Variants in TCF20 observed in about 807,000 individuals in gnomAD.
TCF20 encodes SPRE-binding protein.
Under a neutral mutation model 148.6 loss-of-function variants are expected in TCF20, and 3 were observed. The ratio of observed to expected loss-of-function variants is 0.02; its 90% CI spans 0.01 to 0.05. The LOEUF (loss-of-function observed/expected upper bound fraction) is 0.05. Among genes scored for constraint, TCF20 ranks in the 10% least tolerant of loss-of-function variants. The probability of loss-of-function intolerance (pLI) is 1.00; values close to 1 mark genes in which losing one functional copy is unlikely to be tolerated. For missense variants in TCF20, 2,350 were observed against 2,429.3 expected, an observed-to-expected ratio of 0.97 and a Z score of 0.69; for synonymous variants, 1,049 against 909.5, an observed-to-expected ratio of 1.15 and a Z score of -2.76.
At chr22:42,198,973 A>T (rs1043616281) in intron 2 of TCF20, among the ~76,000 whole-genome samples, 1 of 151,998 alleles carries the variant, frequency 6.6e-6, no homozygotes, top group African/African-American at 2.4e-5. Context: ...CCCCCTCCAA[A>T]TATTTCCAAT....
chr22:42,240,454 C>G (rs1924295060), intron 1 of TCF20, among the ~76,000 whole-genome samples: 1 of 152,108 alleles, frequency 6.6e-6, no homozygotes, highest in African/African-American at 2.4e-5. Flanking sequence ...GAAAATAAGA[C>G]CTTGTTTTCT....
intron 3 of TCF20, 124 bp from the exon 4 acceptor site, chr22:42,170,020 A>C: frequency 1.2e-6 from 1 of 847,158 alleles, no homozygotes; most frequent in Non-Finnish European, 1.9e-6. Context: ...TTCTAATAGG[A>C]AAACATTAGA....
intron 1 of TCF20, among the ~76,000 whole-genome samples, chr22:42,262,792 G>C (rs1926098010): frequency 6.6e-6 from 1 of 152,098 alleles, no homozygotes; most frequent in Non-Finnish European, 1.5e-5. Flanking sequence ...TCTCAAGTCA[G>C]GGTTATACAC....
chr22:42,232,486 A>C (rs574543293), intron 1 of TCF20, among the ~76,000 whole-genome samples: 7 of 152,268 alleles, frequency 4.6e-5, no homozygotes, highest in Non-Finnish European at 8.8e-5. Context: ...AACTGCTGAC[A>C]ACAGATGTTT....
intron 1 of TCF20, among the ~76,000 whole-genome samples, chr22:42,329,703 G>A (rs570293439): frequency 2.6e-5 from 4 of 152,322 alleles, no homozygotes; most frequent in Admixed American, 2.6e-4. Flanking sequence ...ACAGACGGTG[G>A]CAGAGAAACC....
At chr22:42,221,154 C>T (rs564654661) in intron 1 of TCF20, among the ~76,000 whole-genome samples, 1 of 152,258 alleles carries the variant, frequency 6.6e-6, no homozygotes, top group Non-Finnish European at 1.5e-5. Flanking sequence ...ATTTAGAAGG[C>T]AAAATAAACG....
intron 1 of TCF20, among the ~76,000 whole-genome samples, chr22:42,296,841 G>A (rs1426429396): frequency 1.3e-5 from 2 of 152,232 alleles, no homozygotes; most frequent in African/African-American, 2.4e-5. Context: ...AGCTTTTCGC[G>A]AATGAGAAAG....
chr22:42,236,719 A>C (rs536734766), intron 1 of TCF20, among the ~76,000 whole-genome samples: 1 of 152,338 alleles, frequency 6.6e-6, no homozygotes, highest in African/African-American at 2.4e-5. Flanking sequence ...AAAATCAGCC[A>C]CAAGCATAAC....
chr22:42,223,717 A>G (rs1432115687), intron 1 of TCF20, among the ~76,000 whole-genome samples: 1 of 152,208 alleles, frequency 6.6e-6, no homozygotes, highest in Admixed American at 6.5e-5. Context: ...ATCTTGCTAG[A>G]ATTTAGTTGA....
intron 1 of TCF20, among the ~76,000 whole-genome samples, chr22:42,332,349 T>C (rs1370659593): frequency 6.6e-6 from 1 of 151,604 alleles, no homozygotes; most frequent in Non-Finnish European, 1.5e-5. Context: ...GTGGCTGGAG[T>C]GTAGTGACCA....
At chr22:42,247,700 G>A (rs1925038626) in intron 1 of TCF20, among the ~76,000 whole-genome samples, 2 of 152,118 alleles carry the variant, frequency 1.3e-5, no homozygotes, top group African/African-American at 4.8e-5. Flanking sequence ...CAGTAGTTGG[G>A]AAGACACTAG....
At chr22:42,246,987 A>T (rs1924969723) in intron 1 of TCF20, among the ~76,000 whole-genome samples, 3 of 151,416 alleles carry the variant, frequency 2.0e-5, no homozygotes, top group Admixed American at 2.0e-4. Context: ...AAAAAAAAAA[A>T]AAGGAAAAAA....
At chr22:42,286,572 AG>A (rs1328747854), upstream of TCF20, among the ~76,000 whole-genome samples, 1 of 152,246 alleles carries the variant, frequency 6.6e-6, no homozygotes, top group Non-Finnish European at 1.5e-5. Context: ...AGCCGATCCC[AG>A]TTAGCGGCCA....
chr22:42,270,634 C>G lies in TCF20; in HGVS notation c.-332G>C, dbSNP rs1350310695. Among the ~76,000 whole-genome samples, 1 of 145,126 alleles carries G rather than the reference C, an allele frequency of 6.9e-6. No individual in the cohort carries two copies. The highest frequency in any genetic ancestry group is 6.8e-5 in the Admixed American group (1 of 14,674). On this transcript the variant is annotated 5_prime_UTR_variant, in exon 1 of 6. Transcript: ENST00000677622. ...GCTCGGGGTTTTTTCTCTCCATTCT[C>G]CCAACACACAGGAAATAACAGAGCG...
chr22:42,310,565 T>C (rs993483763), intron 1 of TCF20, among the ~76,000 whole-genome samples: 3 of 152,096 alleles, frequency 2.0e-5, no homozygotes, highest in Non-Finnish European at 4.4e-5. Context: ...CAGAGAACTT[T>C]CCAGGCAGAG....
chr22:42,276,988 G>A (rs1296556689), intron 1 of TCF20: 2 of 152,136 alleles, frequency 1.3e-5, no homozygotes, highest in Admixed American at 6.5e-5. Context: ...TCTGTCAGTG[G>A]GTCCTGAGCG....
chr22:42,336,097 A>G (rs1003013102), intron 1 of TCF20, among the ~76,000 whole-genome samples: 4 of 152,198 alleles, frequency 2.6e-5, no homozygotes, highest in Non-Finnish European at 5.9e-5. Context: ...CAAAAAACAG[A>G]GCAGGTTGGG....
chr22:42,225,017 T>TTG (rs11364892), intron 1 of TCF20, among the ~76,000 whole-genome samples: 2 of 148,632 alleles, frequency 1.3e-5, no homozygotes, highest in African/African-American at 5.1e-5. Context: ...TTTTTTTTTT[T>TTG]GAGACAGAGT....
At chr22:42,319,617 T>C (rs181457589) in intron 1 of TCF20, among the ~76,000 whole-genome samples, 2 of 152,304 alleles carry the variant, frequency 1.3e-5, no homozygotes, top group Admixed American at 1.3e-4. Flanking sequence ...TTTTCACTTC[T>C]ACCAGCGCTG....
Sources: allele counts gnomAD v4.1 joint callset (sites outside exome capture counted in the v4.1 genomes callset), GRCh38; gene constraint gnomAD v4.1.1; transcripts MANE v1.5; gene names NCBI Gene and HGNC (gene_info 2026-07-23, HGNC 2026-07-21).